ENPP1: variants seen among roughly 807,000 people sequenced by gnomAD.
ENPP1 encodes ectonucleotide pyrophosphatase/phosphodiesterase 1, also known as ectonucleotide pyrophosphatase/phosphodiesterase family member 1.
Under a neutral mutation model 122.8 loss-of-function variants are expected in ENPP1, and 73 were observed. The ratio of observed to expected loss-of-function variants is 0.59; its 90% CI spans 0.49 to 0.72. The LOEUF is 0.72. Ranked by LOEUF, ENPP1 falls within the 30% of genes least tolerant of loss-of-function variation. The pLI, the probability that ENPP1 is intolerant of heterozygous loss-of-function variation, is 0.00. For missense variants in ENPP1, 978 were observed against 1,128.1 expected, an observed-to-expected ratio of 0.87 and a Z score of 1.91; for synonymous variants, 367 against 391.6, an observed-to-expected ratio of 0.94 and a Z score of 0.74.
At position 131,886,674 on chromosome 6, in the gene ENPP1, A is replaced by C; in HGVS notation, c.2557A>C (p.Thr853Pro). The change falls in exon 24 of 25, where the codon ACC becomes CCC. Residue 853 changes from threonine to proline, a missense_variant. By Grantham distance (38) the Thr-to-Pro change is conservative. Transcript: ENST00000647893. ...GCCTTTGCACTGTGAAAACCTAGAC[A>C]CCTTAGCTTTCATTTTGCCTCACAG... ...QTPLHCENLD[T>P]LAFILPHRTD... 1 of 1,614,014 alleles carries C rather than the reference A, an allele frequency of 6.2e-7. No homozygotes were observed. Among genetic ancestry groups the C allele is most frequent in the Middle Eastern group, 1.7e-4 (1 of 6,060 alleles).
chr6:131,818,317 C>T (rs576425163), intron 1 of ENPP1, among the ~76,000 whole-genome samples: 1 of 152,018 alleles, frequency 6.6e-6, no homozygotes, highest in South Asian at 2.1e-4. Context: ...AAAAGAACAC[C>T]TTAGATGTTT....
chr6:131,877,860 AAAAAAAATAT>A (rs1474120689), intron 18 of ENPP1: 5 of 104,330 alleles, frequency 4.8e-5, no homozygotes, highest in Admixed American at 1.0e-4. Flanking sequence ...AAAAAAAAAA[AAAAAAAATAT>A]ATATATATAT....
chr6:131,818,276 C>A (rs374686772), intron 1 of ENPP1, among the ~76,000 whole-genome samples: 179 of 151,902 alleles, frequency 1.2e-3, no homozygotes, highest in African/African-American at 4.1e-3. Context: ...AGTAGTCATG[C>A]ACTTGCAATA....
chr6:131,813,673 G>C (rs190619101), intron 1 of ENPP1, among the ~76,000 whole-genome samples: 1 of 152,156 alleles, frequency 6.6e-6, no homozygotes, highest in African/African-American at 2.4e-5. Flanking sequence ...AGACGTTTTC[G>C]CGGTCTTATT....
At chr6:131,880,496 G>A (rs1782290073) in intron 20 of ENPP1, among the ~76,000 whole-genome samples, 1 of 147,638 alleles carries the variant, frequency 6.8e-6, no homozygotes, top group Admixed American at 6.6e-5. Flanking sequence ...CCCGGGAGGT[G>A]GTGGAGCTTG....
chr6:131,820,211 T>A (rs1195124087), intron 1 of ENPP1: 1 of 217,476 alleles, frequency 4.6e-6, no homozygotes, highest in African/African-American at 2.3e-5. Context: ...ATCTTAGGGT[T>A]GTTAGTAACT....
At chr6:131,850,248 T>A in intron 3 of ENPP1, 142 bp downstream of exon 3, 1 of 687,924 alleles carries the variant, frequency 1.5e-6, no homozygotes, top group Non-Finnish European at 2.6e-6. Context: ...GACATTAGCT[T>A]TTATATTTTC....
rs141994420 is a variant in ENPP1 at position 131,868,025 on chromosome 6, A to G, written c.1172A>G (p.Lys391Arg). The change falls in exon 12 of 25, where the codon AAA (lysine) becomes AGA (arginine). Residue 391 changes from lysine to arginine, a missense_variant. Physicochemically the swap from Lys to Arg is conservative, Grantham distance 26. This residue lies in a region of ENPP1 where 644 missense variants were observed against 781.5 expected (regional missense o/e 0.82). Coordinates refer to ENST00000647893, the MANE Select transcript of ENPP1 (RefSeq NM_006208.3). ...GTTGCTTCCCATTCTTAGGTCATCA[A>G]AGCCTTGCAGAGGGTTGATGGTATG... Reference protein sequence around the residue: ...SYGPVSSEVIKALQRVDGMVG... With the variant: ...SYGPVSSEVIRALQRVDGMVG... The G allele has an allele frequency of 1.9e-6, 3 of 1,612,650 alleles. No individual in the cohort carries two copies. The highest frequency in any genetic ancestry group is 1.1e-5 in the South Asian group (1 of 91,046).
At chr6:131,841,715 T>G (rs1243475359) in intron 1 of ENPP1, among the ~76,000 whole-genome samples, 1 of 152,146 alleles carries the variant, frequency 6.6e-6, no homozygotes, top group African/African-American at 2.4e-5. Context: ...AATCCATGCC[T>G]CTCGGGAACT....
chr6:131,825,061 A>G (rs938905119), intron 1 of ENPP1, among the ~76,000 whole-genome samples: 3 of 151,564 alleles, frequency 2.0e-5, no homozygotes, highest in African/African-American at 4.8e-5. Flanking sequence ...CTGTGTCTCA[A>G]AAAAAAAACA....
intron 13 of ENPP1, among the ~76,000 whole-genome samples, chr6:131,869,811 A>ATGCCAC (rs1782137995): frequency 1.3e-5 from 2 of 149,742 alleles, no homozygotes; most frequent in Non-Finnish European, 3.0e-5. Flanking sequence ...AGCTAAGATC[A>ATGCCAC]TGCCACTGTA....
chr6:131,824,442 T>TTTGTTGTTGTTGTTG (rs140923936), intron 1 of ENPP1, among the ~76,000 whole-genome samples: 3 of 132,408 alleles, frequency 2.3e-5, no homozygotes, highest in African/African-American at 7.8e-5. Context: ...CCAGGCAGGA[T>TTTGTTGTTGTTGTTG]TTGTTGTTGT....
At chr6:131,814,870 A>G (rs553864087) in intron 1 of ENPP1, among the ~76,000 whole-genome samples, 56 of 152,344 alleles carry the variant, frequency 3.7e-4, no homozygotes, top group African/African-American at 1.3e-3. Context: ...TGTTTTTACT[A>G]TTAGGCAGAG....
chr6:131,852,360 T>A, intron 5 of ENPP1, 125 bp downstream of exon 5: 1 of 675,294 alleles, frequency 1.5e-6, no homozygotes, highest in Non-Finnish European at 2.5e-6. Context: ...AGGTTGAGTA[T>A]CCTTTATCCA....
At chr6:131,830,688 TGATAA>T (rs376905421) in intron 1 of ENPP1, among the ~76,000 whole-genome samples, 428 of 152,302 alleles carry the variant, frequency 2.8e-3, no homozygotes, top group African/African-American at 8.7e-3. Context: ...AAAGATTTAT[TGATAA>T]GATAAGAAAA....
intron 2 of ENPP1, among the ~76,000 whole-genome samples, chr6:131,848,275 GATATTTTTTTAAACTTCTAGAT>G (rs1383122565): frequency 2.6e-5 from 4 of 152,112 alleles, no homozygotes; most frequent in Non-Finnish European, 5.9e-5. Flanking sequence ...AAGCCACAAT[GATATTTTTTTAAACTTCTAGAT>G]ATATTTTTCT....
chr6:131,889,573 G>A (rs1473335466), intron 24 of ENPP1, among the ~76,000 whole-genome samples: 2 of 152,160 alleles, frequency 1.3e-5, no homozygotes. Context: ...TTTTATGGCT[G>A]CATAGTATTC....
intron 1 of ENPP1, among the ~76,000 whole-genome samples, chr6:131,825,047 G>A (rs1562511254): frequency 1.3e-5 from 2 of 151,222 alleles, no homozygotes; most frequent in African/African-American, 2.4e-5. Flanking sequence ...GTGACAGAGC[G>A]AGACTGTGTC....
intron 1 of ENPP1, among the ~76,000 whole-genome samples, chr6:131,818,335 T>G (rs891436392): frequency 2.0e-5 from 3 of 152,076 alleles, no homozygotes; most frequent in Non-Finnish European, 2.9e-5. Context: ...TTTTATTGCT[T>G]AGATGAAGCA....
Sources: gnomAD v4.1 joint callset for allele counts (sites outside exome capture counted in the v4.1 genomes callset) on GRCh38, gnomAD v4.1.1 for gene constraint, gnomAD v4.1.1 regional missense constraint, MANE v1.5 for transcripts, NCBI Gene and HGNC (gene_info 2026-07-23, HGNC 2026-07-21) for gene names.